Variants in HDAC9 observed in about 807,000 individuals in gnomAD.
HDAC9 encodes histone deacetylase 9.
Under a neutral mutation model 139.4 loss-of-function variants are expected in HDAC9, and 41 were observed. The ratio of observed to expected loss-of-function variants is 0.29; its 90% CI spans 0.23 to 0.38. The LOEUF is 0.38. Ranked by LOEUF, HDAC9 falls within the 10% of genes least tolerant of loss-of-function variation. The pLI, the probability that HDAC9 is intolerant of heterozygous loss-of-function variation, is 1.00. For synonymous variants in HDAC9, 517 were observed against 476.2 expected, an observed-to-expected ratio of 1.09 and a Z score of -1.12; for missense variants, 1,147 against 1,297.0, an observed-to-expected ratio of 0.88 and a Z score of 1.78.
chr7:18,574,032 T>A (rs922717725), intron 2 of HDAC9, among the ~76,000 whole-genome samples: 1 of 152,202 alleles, frequency 6.6e-6, no homozygotes, highest in Non-Finnish European at 1.5e-5. Context: ...AAGAATGAGG[T>A]ATGCGGACAG....
chr7:18,591,431 A>G, intron 4 of HDAC9, 85 bp from the exon 5 acceptor site: 1 of 1,455,436 alleles, frequency 6.9e-7, no homozygotes, highest in Non-Finnish European at 9.1e-7. Context: ...TTCTAGAGGC[A>G]TGAGAGGACA....
At chr7:18,854,340 T>G in intron 21 of HDAC9, among the ~76,000 whole-genome samples, 1 of 152,192 alleles carries the variant, frequency 6.6e-6, no homozygotes, top group Non-Finnish European at 1.5e-5. Flanking sequence ...CTGTCATATA[T>G]TGGCAGCTGA....
chr7:18,474,742 A>G (rs1794985627), intron 1 of HDAC9, among the ~76,000 whole-genome samples: 1 of 152,168 alleles, frequency 6.6e-6, no homozygotes. Context: ...AGACACAAAA[A>G]CAGTGAAATT....
intron 12 of HDAC9, among the ~76,000 whole-genome samples, chr7:18,679,545 TTTC>T (rs1450696647): frequency 6.6e-6 from 1 of 151,292 alleles, no homozygotes; most frequent in Non-Finnish European, 1.5e-5. Context: ...TCTTCCTTTC[TTTC>T]TTTTTCTTTT....
chr7:18,766,540 T>C (rs145313889), intron 15 of HDAC9, among the ~76,000 whole-genome samples: 2,077 of 152,328 alleles, frequency 0.014, 52 homozygotes, highest in African/African-American at 0.048. Context: ...AGAAGTGGCC[T>C]ATGGTGTACT....
At chr7:18,863,773 G>T (rs531236728) in intron 21 of HDAC9, among the ~76,000 whole-genome samples, 2 of 152,178 alleles carry the variant, frequency 1.3e-5, no homozygotes, top group African/African-American at 2.4e-5. Context: ...TGGGGTAGGC[G>T]TGGGAAGGGT....
intron 1 of HDAC9, among the ~76,000 whole-genome samples, chr7:18,482,953 G>T (rs776506991): frequency 6.6e-6 from 1 of 152,076 alleles, no homozygotes; most frequent in South Asian, 2.1e-4. Context: ...AAAGTCTAAC[G>T]CATTACTCTA....
chr7:18,780,021 A>G (rs1791107440), intron 16 of HDAC9, among the ~76,000 whole-genome samples: 2 of 152,012 alleles, frequency 1.3e-5, no homozygotes, highest in South Asian at 2.1e-4. Context: ...CACTGCTCCA[A>G]AAGCGCTTTT....
At chr7:18,633,070 A>G (rs1353135970) in intron 7 of HDAC9, among the ~76,000 whole-genome samples, 1 of 152,096 alleles carries the variant, frequency 6.6e-6, no homozygotes, top group African/African-American at 2.4e-5. Flanking sequence ...CTTTCCTGAG[A>G]TAATTCTGCC....
chr7:18,744,204 C>G (rs1316084987), intron 13 of HDAC9, among the ~76,000 whole-genome samples: 1 of 151,960 alleles, frequency 6.6e-6, no homozygotes, highest in African/African-American at 2.4e-5. Flanking sequence ...GTTGGTCAGG[C>G]TGGTCTTGAA....
At chr7:18,983,346 C>T (rs58797877) in intron 25 of HDAC9, among the ~76,000 whole-genome samples, 28,742 of 152,054 alleles carry the variant, frequency 0.19, 2,960 homozygotes, top group Middle Eastern at 0.28. Flanking sequence ...TATCCACTCA[C>T]CCACTGATAG....
At chr7:18,913,026 C>T (rs769150782) in intron 22 of HDAC9, among the ~76,000 whole-genome samples, 1 of 152,074 alleles carries the variant, frequency 6.6e-6, no homozygotes, top group Non-Finnish European at 1.5e-5. Context: ...TTAGTTGTAG[C>T]ACATACAAAT....
At chr7:18,426,614 A>G (rs1364823755) in intron 1 of HDAC9, among the ~76,000 whole-genome samples, 1 of 152,216 alleles carries the variant, frequency 6.6e-6, no homozygotes, top group East Asian at 1.9e-4. Flanking sequence ...TACCTCAGGC[A>G]TCTAATAGCC....
At chr7:18,131,420 T>G (rs1018309376) in intron 1 of HDAC9, among the ~76,000 whole-genome samples, 1 of 152,206 alleles carries the variant, frequency 6.6e-6, no homozygotes, top group Non-Finnish European at 1.5e-5. Flanking sequence ...TTAGTAGCAC[T>G]AATCAGAATT....
At chr7:18,220,355 C>T (rs543051012) in intron 2 of HDAC9, among the ~76,000 whole-genome samples, 1 of 151,932 alleles carries the variant, frequency 6.6e-6, no homozygotes, top group Non-Finnish European at 1.5e-5. Flanking sequence ...AACTGAAGAC[C>T]GTGCCAAACA....
intron 1 of HDAC9, among the ~76,000 whole-genome samples, chr7:18,161,620 T>A (rs943354780): frequency 6.6e-6 from 1 of 152,208 alleles, no homozygotes; most frequent in Non-Finnish European, 1.5e-5. Context: ...AAATTCCTTT[T>A]AAGAAGTCCA....
intron 2 of HDAC9, among the ~76,000 whole-genome samples, chr7:18,276,967 T>A (rs2128217825): frequency 6.6e-6 from 1 of 152,176 alleles, no homozygotes; most frequent in East Asian, 1.9e-4. Flanking sequence ...TCTTGCATCC[T>A]TTTATATGAG....
chr7:18,345,859 T>C (rs369466312), intron 1 of HDAC9, among the ~76,000 whole-genome samples: 13 of 152,120 alleles, frequency 8.5e-5, no homozygotes, highest in East Asian at 3.9e-4. Context: ...TGCTGGCCTC[T>C]GGCATGCATT....
intron 6 of HDAC9, among the ~76,000 whole-genome samples, chr7:18,606,138 T>A (rs750663053): frequency 1.1e-4 from 17 of 152,218 alleles, no homozygotes; most frequent in East Asian, 3.9e-4. Context: ...ATTTTCTGTA[T>A]TTTCCTATTT....
Sources: gnomAD v4.1 joint callset for allele counts (sites outside exome capture counted in the v4.1 genomes callset) on GRCh38, gnomAD v4.1.1 for gene constraint, MANE v1.5 for transcripts, NCBI Gene and HGNC (gene_info 2026-07-23, HGNC 2026-07-21) for gene names.